The following KCNQ3 variants were observed in gnomAD, a reference collection of about 807,000 sequenced individuals.
The protein encoded by KCNQ3 is potassium voltage-gated channel subfamily KQT member 3.
In KCNQ3, 30 loss-of-function variants were observed where a neutral mutation model predicts 92.5. The ratio of observed to expected loss-of-function variants is 0.32; its 90% CI spans 0.24 to 0.44. The LOEUF is 0.44. Ranked by LOEUF, KCNQ3 falls within the 20% of genes least tolerant of loss-of-function variation. The pLI is 1.00. For synonymous variants in KCNQ3, 450 were observed against 468.8 expected (o/e 0.96, Z 0.52); for missense variants, 913 against 1,140.3 (o/e 0.80, Z 2.87).
chr8:132,376,661 A>G (rs767033121), intron 1 of KCNQ3, among the ~76,000 whole-genome samples: 2 of 152,212 alleles, frequency 1.3e-5, no homozygotes, highest in Non-Finnish European at 2.9e-5. Flanking sequence ...ACACCTGCAA[A>G]TTGTAACTCA....
intron 1 of KCNQ3, among the ~76,000 whole-genome samples, chr8:132,265,256 G>C (rs1275466066): frequency 2.0e-5 from 3 of 152,234 alleles, no homozygotes; most frequent in African/African-American, 7.2e-5. Context: ...TCTTTGCCTA[G>C]ATGAAATAGG....
At chr8:132,343,568 A>C (rs956197812) in intron 1 of KCNQ3, among the ~76,000 whole-genome samples, 3 of 152,284 alleles carry the variant, frequency 2.0e-5, no homozygotes, top group Non-Finnish European at 4.4e-5. Flanking sequence ...TAGCTGTCTC[A>C]TCAAAGGCCA....
intron 1 of KCNQ3, among the ~76,000 whole-genome samples, chr8:132,360,271 A>G (rs973601300): frequency 2.0e-5 from 3 of 151,650 alleles, no homozygotes; most frequent in African/African-American, 7.3e-5. Context: ...CAGCCAAGCA[A>G]CTCTGTCTAG....
At chr8:132,413,300 T>C (rs1820704641) in intron 1 of KCNQ3, among the ~76,000 whole-genome samples, 1 of 152,240 alleles carries the variant, frequency 6.6e-6, no homozygotes, top group Non-Finnish European at 1.5e-5. Flanking sequence ...TGCAGCTTTC[T>C]GAAAACACTG....
intron 1 of KCNQ3, among the ~76,000 whole-genome samples, chr8:132,389,331 C>T (rs938163504): frequency 2.0e-5 from 3 of 152,274 alleles, no homozygotes; most frequent in African/African-American, 7.2e-5. Flanking sequence ...GTGGCACATG[C>T]CTGTAATCCC....
intron 1 of KCNQ3, among the ~76,000 whole-genome samples, chr8:132,383,374 C>T (rs925004396): frequency 2.0e-5 from 3 of 152,198 alleles, no homozygotes; most frequent in Admixed American, 1.3e-4. Flanking sequence ...GCCAGGGCAG[C>T]GAGGGAGGTA....
At chr8:132,141,402 A>G (rs879792140) in intron 9 of KCNQ3, 71 bp from the exon 10 acceptor site, 5 of 1,300,948 alleles carry the variant, frequency 3.8e-6, no homozygotes, top group Non-Finnish European at 5.5e-6. Context: ...ATCCCTCCAT[A>G]AAGACTCACA....
At chr8:132,251,965 A>G (rs1422406688) in intron 1 of KCNQ3, among the ~76,000 whole-genome samples, 1 of 152,214 alleles carries the variant, frequency 6.6e-6, no homozygotes, top group East Asian at 1.9e-4. Flanking sequence ...GTCCTTTCTC[A>G]TCTTCTGGAT....
At chr8:132,445,761 C>G (rs1319933035) in intron 1 of KCNQ3, among the ~76,000 whole-genome samples, 1 of 145,662 alleles carries the variant, frequency 6.9e-6, no homozygotes, top group East Asian at 2.1e-4. Context: ...GAATCCTATT[C>G]AAGTCTCACA....
intron 1 of KCNQ3, among the ~76,000 whole-genome samples, chr8:132,196,180 A>G (rs1260660866): frequency 6.6e-6 from 1 of 151,542 alleles, no homozygotes. Context: ...CATCCAAATG[A>G]CTCCTCCTTT....
chr8:132,383,149 T>A (rs1819797655), intron 1 of KCNQ3, among the ~76,000 whole-genome samples: 1 of 152,184 alleles, frequency 6.6e-6, no homozygotes, highest in African/African-American at 2.4e-5. Context: ...GCTTTCCCCA[T>A]GAATCCAGCA....
intron 1 of KCNQ3, among the ~76,000 whole-genome samples, chr8:132,291,399 C>T (rs1037015026): frequency 9.2e-5 from 14 of 152,144 alleles, no homozygotes; most frequent in African/African-American, 3.4e-4. Context: ...TATACCCAGG[C>T]CTGCTTATTA....
intron 1 of KCNQ3, among the ~76,000 whole-genome samples, chr8:132,441,613 A>ATG (rs1821540640): frequency 6.6e-6 from 1 of 152,132 alleles, no homozygotes; most frequent in Non-Finnish European, 1.5e-5. Flanking sequence ...AAATATATAT[A>ATG]TATATATTCC....
At chr8:132,151,825 T>C (rs1825643637) in intron 9 of KCNQ3, among the ~76,000 whole-genome samples, 1 of 152,222 alleles carries the variant, frequency 6.6e-6, no homozygotes, top group Non-Finnish European at 1.5e-5. Flanking sequence ...AAAAGAGAAG[T>C]AAATAGGATT....
At chr8:132,207,819 A>G (rs1309038302) in intron 1 of KCNQ3, among the ~76,000 whole-genome samples, 1 of 151,708 alleles carries the variant, frequency 6.6e-6, no homozygotes, top group Non-Finnish European at 1.5e-5. Context: ...TCCCACCAGC[A>G]TGACACAAAC....
At position 132,129,936 on chromosome 8, in the gene KCNQ3, G is replaced by A. The variant is rs770863845; in HGVS notation, c.1945C>T (p.Arg649Trp). ...TACTCCGTGACCTGCACCTGCAACC[G>A]TTCCATGTGTTGCATGTGCATATCC... ...LVDMHMQHME[R>W]LQVQVTEYYP... is the part of the protein sequence containing the mutation. Residue 649 changes from arginine to tryptophan, a missense_variant, in exon 15 of 15, where the codon CGG becomes TGG. Arg to Trp is a moderately radical substitution (Grantham distance 101). Transcript: ENST00000388996. This position sits in a 1 kb window ranked among gnomAD's most constrained non-coding sequence, Gnocchi z 5.9. The A allele has an allele frequency of 2.3e-5, 37 of 1,614,006 alleles. No homozygotes were observed. The highest frequency in any genetic ancestry group is 2.9e-5 in the Non-Finnish European group (34 of 1,179,888).
At chr8:132,263,097 C>T (rs887547187) in intron 1 of KCNQ3, among the ~76,000 whole-genome samples, 3 of 151,962 alleles carry the variant, frequency 2.0e-5, no homozygotes, top group South Asian at 2.1e-4. Context: ...TAACTGTCTC[C>T]CACTGAGCGC....
chr8:132,288,520 C>A (rs1259600243), intron 1 of KCNQ3, among the ~76,000 whole-genome samples: 1 of 152,192 alleles, frequency 6.6e-6, no homozygotes, highest in African/African-American at 2.4e-5. Context: ...GCTGTGCCAG[C>A]TGTTTAAAAT....
chr8:132,182,763 C>A (rs779323313), intron 3 of KCNQ3, among the ~76,000 whole-genome samples: 13 of 151,968 alleles, frequency 8.6e-5, no homozygotes, highest in Non-Finnish European at 1.3e-4. Context: ...TTGCAAAAAA[C>A]TTGGAGGGAA....
Sources: gnomAD v4.1 joint callset for allele counts (sites outside exome capture counted in the v4.1 genomes callset) on GRCh38, gnomAD v4.1.1 for gene constraint, Gnocchi (gnomAD v3.1) non-coding constraint, MANE v1.5 for transcripts, NCBI Gene and HGNC (gene_info 2026-07-23, HGNC 2026-07-21) for gene names.